Variants in JAKMIP2 observed in about 807,000 individuals in gnomAD.
JAKMIP2 encodes janus kinase and microtubule-interacting protein 2.
JAKMIP2 carries 25 observed loss-of-function variants against 115.0 expected under a neutral mutation model. That is an observed-to-expected ratio of 0.22 (90% CI 0.16 to 0.30). The LOEUF is 0.30. Ranked by LOEUF, JAKMIP2 falls within the 10% of genes least tolerant of loss-of-function variation. JAKMIP2 has a pLI of 1.00. For missense variants in JAKMIP2, 642 were observed against 957.6 expected (o/e 0.67, Z 4.35); for synonymous variants, 334 against 343.6 (o/e 0.97, Z 0.31).
At chr5:147,721,620 C>T (rs921590576) in intron 1 of JAKMIP2, among the ~76,000 whole-genome samples, 1 of 152,130 alleles carries the variant, frequency 6.6e-6, no homozygotes, top group Non-Finnish European at 1.5e-5. Context: ...TTCCAGGTGC[C>T]GTCAGTCACC....
chr5:147,657,692 T>C (rs531829900), intron 3 of JAKMIP2, among the ~76,000 whole-genome samples: 1 of 152,278 alleles, frequency 6.6e-6, no homozygotes, highest in Non-Finnish European at 1.5e-5. Flanking sequence ...TTGGAGGCTC[T>C]GTTCATTCCT....
intron 19 of JAKMIP2, among the ~76,000 whole-genome samples, 171 bp downstream of exon 19, chr5:147,617,740 T>G (rs890011440): frequency 1.3e-5 from 2 of 152,362 alleles, no homozygotes; most frequent in African/African-American, 4.8e-5. Context: ...ATTATAAAAC[T>G]GTCATTTTTG....
intron 1 of JAKMIP2, among the ~76,000 whole-genome samples, chr5:147,679,627 G>A (rs1183734041): frequency 2.0e-5 from 3 of 152,192 alleles, no homozygotes; most frequent in Non-Finnish European, 4.4e-5. Flanking sequence ...TCTGTGCCAG[G>A]CAATGGCATT....
At chr5:147,723,673 T>C (rs1206918659) in intron 1 of JAKMIP2, among the ~76,000 whole-genome samples, 1 of 152,192 alleles carries the variant, frequency 6.6e-6, no homozygotes, top group African/African-American at 2.4e-5. Context: ...TAGTTATTTT[T>C]AGCAATTACA....
chr5:147,702,003 C>A (rs1040128396), intron 1 of JAKMIP2, among the ~76,000 whole-genome samples: 1 of 152,184 alleles, frequency 6.6e-6, no homozygotes, highest in Admixed American at 6.5e-5. Context: ...CCTTCTCATT[C>A]TGAGTCCATA....
At chr5:147,775,996 C>T (rs2436408) in intron 1 of JAKMIP2, among the ~76,000 whole-genome samples, 5 of 151,970 alleles carry the variant, frequency 3.3e-5, no homozygotes, top group South Asian at 2.1e-4. Flanking sequence ...GAGAGTAAAA[C>T]GGGATATATA....
chr5:147,714,579 T>A (rs946484624), intron 1 of JAKMIP2, among the ~76,000 whole-genome samples: 2 of 152,160 alleles, frequency 1.3e-5, no homozygotes, highest in African/African-American at 4.8e-5. Context: ...AAGGCTAAAT[T>A]TTTTTTAGAA....
In JAKMIP2 at chr5:147,723,592, T is replaced by C. The variant is rs556586571; in HGVS notation, c.-148-51638A>G. ...TTAGAACAGGTTATCATTGGTCAAA[T>C]GTAGTAAAAAGTTGATATTCCTCTT... On this transcript the variant is annotated intron_variant, in intron 1 of 21. Transcript: ENST00000616793. Among the ~76,000 whole-genome samples, 29 of 152,306 alleles carry C rather than the reference T, an allele frequency of 1.9e-4. No homozygotes were observed. In the East Asian group the frequency reaches 5.6e-3, roughly 29 times the overall value.
At chr5:147,735,850 T>C (rs1019223959) in intron 1 of JAKMIP2, among the ~76,000 whole-genome samples, 1 of 152,182 alleles carries the variant, frequency 6.6e-6, no homozygotes, top group Non-Finnish European at 1.5e-5. Flanking sequence ...GGTTCTATTT[T>C]TAAGAAATAA....
intron 21 of JAKMIP2, 55 bp downstream of exon 21, chr5:147,601,686 C>T (rs1755708902): frequency 1.3e-5 from 17 of 1,269,622 alleles, no homozygotes; most frequent in Non-Finnish European, 1.8e-5. Context: ...TAGGTAACAT[C>T]CTTTTTATCA....
chr5:147,777,618 T>C (rs879646535), intron 1 of JAKMIP2, among the ~76,000 whole-genome samples: 3 of 151,970 alleles, frequency 2.0e-5, no homozygotes, highest in Non-Finnish European at 4.4e-5. Context: ...GGATGTGTTA[T>C]TTTTAAATAT....
intron 19 of JAKMIP2, 119 bp from the exon 20 acceptor site, chr5:147,612,490 T>G (rs569585994): frequency 1.1e-4 from 66 of 594,874 alleles, no homozygotes; most frequent in Non-Finnish European, 1.9e-4. Context: ...TACAAGCAGC[T>G]GGAAACATCG....
intron 20 of JAKMIP2, among the ~76,000 whole-genome samples, chr5:147,609,330 A>G (rs1196770940): frequency 6.6e-6 from 1 of 151,922 alleles, no homozygotes; most frequent in African/African-American, 2.4e-5. Flanking sequence ...TCCTTTCCAT[A>G]TTTAGTGCTT....
At chr5:147,695,490 C>T (rs760715271) in intron 1 of JAKMIP2, among the ~76,000 whole-genome samples, 1 of 152,164 alleles carries the variant, frequency 6.6e-6, no homozygotes, top group African/African-American at 2.4e-5. Flanking sequence ...AGGATTCCTC[C>T]TTAGGGCATT....
intron 17 of JAKMIP2, among the ~76,000 whole-genome samples, chr5:147,623,153 A>G (rs1450719281): frequency 6.6e-6 from 1 of 151,468 alleles, no homozygotes; most frequent in Admixed American, 6.6e-5. Flanking sequence ...GCGCTCAAGC[A>G]CACTTCCTGC....
chr5:147,650,219 G>C, intron 4 of JAKMIP2, 119 bp downstream of exon 4: 1 of 688,264 alleles, frequency 1.5e-6, no homozygotes, highest in East Asian at 2.7e-5. Context: ...TGATTTTATA[G>C]TAGAAGGTAG....
chr5:147,742,858 C>T (rs79654314), intron 1 of JAKMIP2, among the ~76,000 whole-genome samples: 18,551 of 148,732 alleles, frequency 0.12, 1,378 homozygotes, highest in Middle Eastern at 0.2. Flanking sequence ...AATGTAAGTA[C>T]TAATGACTTA....
chr5:147,630,218 T>C (rs545924926), intron 14 of JAKMIP2, among the ~76,000 whole-genome samples: 17 of 152,290 alleles, frequency 1.1e-4, no homozygotes, highest in African/African-American at 3.6e-4. Context: ...TTGACTGCCA[T>C]GTAGAAAACT....
At chr5:147,721,163 G>C (rs1323681002) in intron 1 of JAKMIP2, among the ~76,000 whole-genome samples, 7 of 151,562 alleles carry the variant, frequency 4.6e-5, no homozygotes, top group South Asian at 4.2e-4. Flanking sequence ...GGCTGCTCGG[G>C]GGTCAGGAGT....
Sources: gnomAD v4.1 joint callset for allele counts (sites outside exome capture counted in the v4.1 genomes callset) on GRCh38, gnomAD v4.1.1 for gene constraint, MANE v1.5 for transcripts, NCBI Gene and HGNC (gene_info 2026-07-23, HGNC 2026-07-21) for gene names.